DISC1: variants seen among roughly 807,000 people sequenced by gnomAD.
DISC1 encodes the protein DISC1 scaffold protein.
DISC1 carries 57 observed loss-of-function variants against 84.5 expected under a neutral mutation model. That is an observed-to-expected ratio of 0.67 (90% CI 0.55 to 0.84). The LOEUF is 0.84. Ranked by LOEUF, DISC1 falls within the 40% of genes least tolerant of loss-of-function variation. The probability of loss-of-function intolerance (pLI) is 0.00; values close to 1 mark genes in which losing one functional copy is unlikely to be tolerated. For synonymous variants in DISC1, 411 were observed against 415.2 expected, an observed-to-expected ratio of 0.99 and a Z score of 0.12; for missense variants, 1,000 against 1,057.8, an observed-to-expected ratio of 0.95 and a Z score of 0.76.
chr1:231,934,356 T>A (rs969762110), intron 9 of DISC1, among the ~76,000 whole-genome samples: 3 of 152,204 alleles, frequency 2.0e-5, no homozygotes, highest in African/African-American at 7.2e-5. Context: ...ATGGGAATAG[T>A]TACTCTTCAG....
At chr1:232,011,287 G>A (rs1667997529) in intron 11 of DISC1, among the ~76,000 whole-genome samples, 1 of 152,166 alleles carries the variant, frequency 6.6e-6, no homozygotes, top group Admixed American at 6.5e-5. Flanking sequence ...AGGTCCTGTG[G>A]TGGCTGCTGT....
Position 231,722,520 on chromosome 1 carries a change from T to C in DISC1, c.1117+20496T>C, listed in dbSNP as rs1014279462. On this transcript the variant is annotated intron_variant, in intron 3 of 12. Coordinates refer to ENST00000439617, the MANE Select transcript of DISC1 (RefSeq NM_018662.3). The stretch of plus-strand genomic sequence containing the variant: ...TCTGTGTCCATTCCACTCAGAGGTA[T>C]TCATTTTCTTCTTGGCAGCTGGAAC... The C allele has an allele frequency of 6.8e-6, 11 of 1,614,128 alleles. No individual in the cohort carries two copies. The East Asian group carries it at 2.5e-4, about 36-fold the overall frequency.
intron 9 of DISC1, among the ~76,000 whole-genome samples, chr1:231,859,547 C>A (rs192643565): frequency 1.8e-4 from 25 of 142,144 alleles, no homozygotes; most frequent in Admixed American, 1.7e-3. Flanking sequence ...CCCAAAACCC[C>A]TACATCTTAA....
chr1:231,825,431 T>G (rs2081795082), intron 9 of DISC1, among the ~76,000 whole-genome samples: 1 of 152,244 alleles, frequency 6.6e-6, no homozygotes. Context: ...AGAGTCTCTT[T>G]GTACATTTCA....
chr1:231,682,745 G>A (rs2063816501), intron 1 of DISC1, among the ~76,000 whole-genome samples: 1 of 152,142 alleles, frequency 6.6e-6, no homozygotes, highest in African/African-American at 2.4e-5. Context: ...TTCCTCTAAC[G>A]GTAAGGGCTT....
intron 9 of DISC1, among the ~76,000 whole-genome samples, chr1:231,898,186 T>G (rs1261734217): frequency 6.6e-6 from 1 of 152,264 alleles, no homozygotes; most frequent in African/African-American, 2.4e-5. Flanking sequence ...CCAGCAAATG[T>G]TTAACAATGG....
intron 5 of DISC1, among the ~76,000 whole-genome samples, chr1:231,767,976 G>A (rs1296653931): frequency 2.6e-5 from 4 of 152,154 alleles, no homozygotes; most frequent in African/African-American, 7.2e-5. Context: ...TTGTAAGTCC[G>A]GACTGAGCAA....
At chr1:231,995,789 C>T (rs371681462) in intron 10 of DISC1, among the ~76,000 whole-genome samples, 14 of 149,718 alleles carry the variant, frequency 9.4e-5, no homozygotes, top group Admixed American at 2.0e-4. Context: ...TGAATAGTGC[C>T]GCAATAAACA....
At chr1:231,712,186 ACAGTCTGTCAATACCTTGATTTTAGCT>A (rs1405919922) in intron 3 of DISC1, among the ~76,000 whole-genome samples, 1 of 152,246 alleles carries the variant, frequency 6.6e-6, no homozygotes, top group Non-Finnish European at 1.5e-5. Flanking sequence ...GGGAGGGAAT[ACAGTCTGTCAATACCTTGATTTTAGCT>A]CAGTAAAACT....
chr1:231,780,110 A>G (rs2077290501), intron 6 of DISC1, among the ~76,000 whole-genome samples: 1 of 152,028 alleles, frequency 6.6e-6, no homozygotes, highest in Admixed American at 6.6e-5. Context: ...GGGGCGAGGG[A>G]TAGCATTGGG....
intron 9 of DISC1, among the ~76,000 whole-genome samples, chr1:231,867,493 G>A (rs2085146258): frequency 6.6e-6 from 1 of 152,178 alleles, no homozygotes; most frequent in South Asian, 2.1e-4. Flanking sequence ...AGGAGGAGCA[G>A]AGAGCGCCTG....
At chr1:231,682,069 C>T (rs1163089737) in intron 1 of DISC1, among the ~76,000 whole-genome samples, 11 of 151,978 alleles carry the variant, frequency 7.2e-5, no homozygotes, top group African/African-American at 2.7e-4. Context: ...CCCCAAAGAG[C>T]GGTGAGATTT....
At chr1:231,785,867 G>A (rs1001913780) in intron 6 of DISC1, among the ~76,000 whole-genome samples, 18 of 152,140 alleles carry the variant, frequency 1.2e-4, no homozygotes, top group Non-Finnish European at 2.1e-4. Context: ...GAAGATGAGC[G>A]GACAACTGTC....
chr1:231,940,840 G>A lies in DISC1; in HGVS notation c.1982-17988G>A, dbSNP rs41303081. 7.2e-5 allele frequency: 11 copies of A among 152,350 alleles called. No individual in the cohort carries two copies. The South Asian group carries it at 1.4e-3, about 20-fold the overall frequency. 9.4% of individuals were successfully genotyped at this position (152,350 alleles called of 1,614,324 possible). On this transcript the variant is annotated intron_variant, in intron 9 of 12. Transcript: ENST00000439617. ...CCTTCAACATTTGCTGCTCCATGAC[G>A]TTCTTGATTGCAATGAGAGGCTGGC...
At chr1:231,879,612 G>A (rs556360666) in intron 9 of DISC1, among the ~76,000 whole-genome samples, 1 of 151,702 alleles carries the variant, frequency 6.6e-6, no homozygotes, top group African/African-American at 2.4e-5. Context: ...ATGGAAAGAA[G>A]TACATGGACC....
At chr1:231,762,411 T>C (rs2075813967) in intron 4 of DISC1, among the ~76,000 whole-genome samples, 1 of 151,756 alleles carries the variant, frequency 6.6e-6, no homozygotes, top group African/African-American at 2.4e-5. Flanking sequence ...CATAGCTCAC[T>C]GCAGCCTCTA....
chr1:231,959,244 AG>A, intron 10 of DISC1: 1 of 1,004,220 alleles, frequency 1.0e-6, no homozygotes, highest in Non-Finnish European at 1.2e-6. Flanking sequence ...AAGGATTTTA[AG>A]GCGGTTTATA....
intron 9 of DISC1, among the ~76,000 whole-genome samples, chr1:231,950,786 G>A (rs1037227688): frequency 1.6e-4 from 25 of 152,138 alleles, no homozygotes; most frequent in African/African-American, 5.8e-4. Context: ...ATAAGCACTC[G>A]CCACATAGCA....
At chr1:231,648,874 A>G (rs934165901) in intron 1 of DISC1, among the ~76,000 whole-genome samples, 1 of 152,176 alleles carries the variant, frequency 6.6e-6, no homozygotes, top group African/African-American at 2.4e-5. Context: ...CTCTGATAGT[A>G]GTTTGTATTT....
Sources: allele counts gnomAD v4.1 joint callset (sites outside exome capture counted in the v4.1 genomes callset), GRCh38; gene constraint gnomAD v4.1.1; transcripts MANE v1.5; gene names NCBI Gene and HGNC (gene_info 2026-07-23, HGNC 2026-07-21).